SH3BP4: variants seen among roughly 807,000 people sequenced by gnomAD.
SH3BP4 encodes the protein SH3 domain-binding protein 4.
In SH3BP4, 33 loss-of-function variants were observed where a neutral mutation model predicts 65.5. That is an observed-to-expected ratio of 0.50 (90% CI 0.38 to 0.67). The LOEUF is 0.67. Ranked by LOEUF, SH3BP4 falls within the 30% of genes least tolerant of loss-of-function variation. SH3BP4 has a pLI of 0.00. For synonymous variants in SH3BP4, 552 were observed against 545.5 expected, an observed-to-expected ratio of 1.01 and a Z score of -0.17; for missense variants, 1,134 against 1,261.4, an observed-to-expected ratio of 0.90 and a Z score of 1.53.
intron 2 of SH3BP4, among the ~76,000 whole-genome samples, chr2:234,998,048 A>G (rs561680778): frequency 6.6e-6 from 1 of 152,242 alleles, no homozygotes; most frequent in South Asian, 2.1e-4. Flanking sequence ...ACCTGAACCC[A>G]GGAGGCGGAG....
chr2:234,970,569 A>G (rs1301288320), intron 1 of SH3BP4, among the ~76,000 whole-genome samples: 3 of 152,260 alleles, frequency 2.0e-5, no homozygotes, highest in Non-Finnish European at 4.4e-5. Flanking sequence ...TGTAGGAATA[A>G]TAAAAGCCTT....
rs1214260072 is a variant in SH3BP4, at chr2:234,978,017, G to A, written c.-206-17286G>A. ...GTTGGCCAGGCTGGAGTGCAGTGGC[G>A]CCATCTCTGCTCACTGCAACCTCTG... On this transcript the variant is annotated intron_variant, in intron 1 of 5. Transcript: ENST00000392011. The surrounding 1 kb of genome is among the most constrained non-coding windows in gnomAD (Gnocchi z 4.1). Among the ~76,000 whole-genome samples the A allele has an allele frequency of 1.1e-4, 17 of 152,002 alleles. No homozygotes were observed. Among genetic ancestry groups the A allele is most frequent in the East Asian group, 3.9e-4 (2 of 5,188 alleles).
rs913242558 is a variant in SH3BP4 at position 235,033,873 on chromosome 2, A to G, written c.-132-998A>G. Among the ~76,000 whole-genome samples, 3 of 152,186 alleles carry G rather than the reference A, an allele frequency of 2.0e-5. No homozygotes were observed. The highest frequency in any genetic ancestry group is 4.4e-5 in the Non-Finnish European group (3 of 68,028). ...ACACTGGGTCAGAAGCTACATTCTC[A>G]GCTGTCCCTGGATAGAGGAATTGAG... On this transcript the variant is annotated intron_variant, in intron 2 of 5. Coordinates refer to ENST00000392011, the MANE Select transcript of SH3BP4 (RefSeq NM_014521.3). This position sits in a 1 kb window ranked among gnomAD's most constrained non-coding sequence, Gnocchi z 5.7.
At chr2:235,008,804 C>T (rs1412376389) in intron 2 of SH3BP4, among the ~76,000 whole-genome samples, 1 of 152,194 alleles carries the variant, frequency 6.6e-6, no homozygotes, top group African/African-American at 2.4e-5. Flanking sequence ...AGCAGAGGCC[C>T]TACTGAAAAA....
At position 235,035,087 on chromosome 2, in the gene SH3BP4, G is replaced by C; in HGVS notation, c.85G>C (p.Gly29Arg). Reference protein sequence around the residue: ...SEGTLIDLSEGFSETSFNDIK... With the variant: ...SEGTLIDLSERFSETSFNDIK... ...GGGGACCCTGATTGACCTGAGCGAA[G>C]GGTTTTCAGAGACGAGCTTTAATGA... The change falls in exon 3 of 6, where the codon GGG (glycine) becomes CGG (arginine). Residue 29 changes from glycine to arginine, a missense_variant. Physicochemically the swap from Gly to Arg is moderately radical, Grantham distance 125. Coordinates refer to ENST00000392011, the MANE Select transcript of SH3BP4 (RefSeq NM_014521.3). The surrounding 1 kb of genome is among the most constrained non-coding windows in gnomAD (Gnocchi z 5.0). The C allele has an allele frequency of 6.2e-7, 1 of 1,614,112 alleles. No individual in the cohort carries two copies. The highest frequency in any genetic ancestry group is 8.5e-7 in the Non-Finnish European group (1 of 1,179,980).
rs1694959138 is a variant in SH3BP4, at chr2:235,025,132, G to A, written c.-132-9739G>A. Among the ~76,000 whole-genome samples the A allele has an allele frequency of 3.9e-5, 6 of 152,084 alleles. No individual in the cohort carries two copies. The South Asian group carries it at 1.2e-3, about 32-fold the overall frequency. ...GCCAGCCTTCCCATGTGATTCAAGG[G>A]GGCTGACAGCAGCCCATTGCCACAA... is the stretch of plus-strand genomic sequence containing the variant. On this transcript the variant is annotated intron_variant, in intron 2 of 5. Coordinates refer to ENST00000392011, the MANE Select transcript of SH3BP4 (RefSeq NM_014521.3).
intron 1 of SH3BP4, among the ~76,000 whole-genome samples, chr2:234,963,526 C>T (rs1397216641): frequency 7.2e-5 from 11 of 152,160 alleles, no homozygotes; most frequent in African/African-American, 1.2e-4. Context: ...TTGCGTTCTG[C>T]GCTTTTGGAG....
chr2:235,035,060 G>A lies in SH3BP4; in HGVS notation c.58G>A (p.Glu20Lys), dbSNP rs756321673. 1.9e-6 allele frequency: 3 copies of A among 1,614,212 alleles called. No homozygotes were observed. The highest frequency in any genetic ancestry group is 2.5e-6 in the Non-Finnish European group (3 of 1,180,054). Residue 20 changes from glutamate to lysine, a missense_variant, in exon 3 of 6, where the codon GAG becomes AAG. Glu to Lys is a moderately conservative substitution (Grantham distance 56, BLOSUM62 1). Transcript: ENST00000392011. The surrounding 1 kb of genome is among the most constrained non-coding windows in gnomAD (Gnocchi z 5.0). ...CAATGGCCTCCCTCGCTGCAAGTCA[G>A]AGGGGACCCTGATTGACCTGAGCGA... ...NSNGLPRCKSEGTLIDLSEGF... is the reference protein window; with the variant it reads ...NSNGLPRCKSKGTLIDLSEGF...
rs1574776426 is a variant in SH3BP4 at position 234,967,144 on chromosome 2, T to A, written c.-207+14974T>A. Among the ~76,000 whole-genome samples the A allele has an allele frequency of 6.6e-6, 1 of 152,118 alleles. No individual in the cohort carries two copies. The highest frequency in any genetic ancestry group is 1.5e-5 in the Non-Finnish European group (1 of 68,022). On this transcript the variant is annotated intron_variant, in intron 1 of 5. Transcript: ENST00000392011. The surrounding 1 kb of genome is among the most constrained non-coding windows in gnomAD (Gnocchi z 4.6). ...AGGAACCATGGGGTTTAGGGACTTG[T>A]GTGAGCTGGGAAGTGCAGAAGCCAG...
At chr2:234,996,697 C>T (rs575172334) in intron 2 of SH3BP4, among the ~76,000 whole-genome samples, 6 of 152,318 alleles carry the variant, frequency 3.9e-5, no homozygotes, top group African/African-American at 1.4e-4. Context: ...GGTCAGAAAG[C>T]GGGGGTTTCT....
intron 1 of SH3BP4, among the ~76,000 whole-genome samples, chr2:234,988,039 TA>T (rs997138766): frequency 7.2e-5 from 11 of 152,280 alleles, no homozygotes; most frequent in East Asian, 5.8e-4. Flanking sequence ...CTCAGGTGTT[TA>T]ATGTCATTTA....
intron 4 of SH3BP4, among the ~76,000 whole-genome samples, chr2:235,048,323 A>T (rs1332219525): frequency 6.6e-6 from 1 of 152,110 alleles, no homozygotes; most frequent in Non-Finnish European, 1.5e-5. Flanking sequence ...GTACTTTATA[A>T]GAGTATTTTC....
intron 2 of SH3BP4, among the ~76,000 whole-genome samples, chr2:235,004,807 C>T (rs11682210): frequency 0.11 from 16,691 of 152,242 alleles, 1,397 homozygotes; most frequent in East Asian, 0.28. Context: ...TTGCCACCTT[C>T]TGGCTGTTGT....
intron 2 of SH3BP4, among the ~76,000 whole-genome samples, chr2:235,027,162 T>C (rs1695027081): frequency 6.6e-6 from 1 of 152,230 alleles, no homozygotes; most frequent in Non-Finnish European, 1.5e-5. Context: ...AGAAGCATCC[T>C]GGGAGGGACA....
chr2:234,960,165 A>G (rs956360841), intron 1 of SH3BP4, among the ~76,000 whole-genome samples: 2 of 152,258 alleles, frequency 1.3e-5, no homozygotes, highest in African/African-American at 2.4e-5. Flanking sequence ...TAATACTTAC[A>G]CATAATTCAT....
intron 1 of SH3BP4, among the ~76,000 whole-genome samples, chr2:234,968,640 G>A (rs955664761): frequency 6.3e-4 from 96 of 152,090 alleles, no homozygotes; most frequent in African/African-American, 2.2e-3. Context: ...CATGCCATGT[G>A]TCTTGTCTGT....
intron 1 of SH3BP4, among the ~76,000 whole-genome samples, chr2:234,968,332 T>C (rs1017126939): frequency 6.6e-6 from 1 of 151,912 alleles, no homozygotes; most frequent in African/African-American, 2.4e-5. Flanking sequence ...CCTTGGGGTG[T>C]TCTCCGTGTA....
At position 235,055,325 on chromosome 2, in the gene SH3BP4, G is replaced by A. The variant is rs927140499; in HGVS notation, c.*1509G>A. The stretch of plus-strand genomic sequence containing the variant: ...GTATACTCCCTTACTGGCCTGAAAC[G>A]TTGTATAGCTACTTATTCAGATACT... On this transcript the variant is annotated 3_prime_UTR_variant, in exon 6 of 6. Transcript: ENST00000392011. The A allele has an allele frequency of 3.3e-5, 5 of 152,484 alleles. No homozygotes were observed. Among genetic ancestry groups the A allele is most frequent in the South Asian group, 2.1e-4 (1 of 4,820 alleles). The allele number at this position is 152,484 out of a possible 1,614,324, so 9.4% of individuals were successfully genotyped here.
chr2:235,015,194 T>G (rs1694652017), intron 2 of SH3BP4, among the ~76,000 whole-genome samples: 2 of 152,354 alleles, frequency 1.3e-5, no homozygotes, highest in South Asian at 4.1e-4. Flanking sequence ...TAACCCAATC[T>G]GGTGTAATTC....
Sources: gnomAD v4.1 joint callset for allele counts (sites outside exome capture counted in the v4.1 genomes callset) on GRCh38, gnomAD v4.1.1 for gene constraint, Gnocchi (gnomAD v3.1) non-coding constraint, MANE v1.5 for transcripts, NCBI Gene and HGNC (gene_info 2026-07-23, HGNC 2026-07-21) for gene names.